Variants in KRT72 observed in about 807,000 individuals in gnomAD.
KRT72 encodes the protein keratin 72, also known as keratin, type II cytoskeletal 72.
In KRT72, 44 loss-of-function variants were observed where a neutral mutation model predicts 44.7. The ratio of observed to expected loss-of-function variants is 0.98; its 90% CI spans 0.77 to 1.27. KRT72 has a LOEUF of 1.27. Among genes scored for constraint, KRT72 ranks in the 50% most tolerant of loss-of-function variants. KRT72 has a pLI of 0.00. For missense variants in KRT72, 736 were observed against 667.1 expected (o/e 1.10, Z -1.14); for synonymous variants, 302 against 280.4 (o/e 1.08, Z -0.77).
rs1381675965 is a variant in KRT72, at chr12:52,586,960, T to G, written c.1331A>C (p.Asn444Thr). The change falls in exon 8 of 9, where the codon AAT becomes ACT. Residue 444 changes from asparagine (N) to threonine (T), a missense_variant. Asn to Thr is a moderately conservative substitution (Grantham distance 65, BLOSUM62 0). Transcript: ENST00000293745. ...EECRMSGEYP[N>T]SVSISVISST... Reference sequence around the variant, plus strand: ...CAGATACTTACAGATGCTCACAGAATTTGGATATTCGCCAGACATCCTGAA... The same window carrying G: ...CAGATACTTACAGATGCTCACAGAAGTTGGATATTCGCCAGACATCCTGAA... 2 of 1,614,028 alleles carry G rather than the reference T, an allele frequency of 1.2e-6. No individual in the cohort carries two copies. Among genetic ancestry groups the G allele is most frequent in the South Asian group, 2.2e-5 (2 of 91,062 alleles).
intron 2 of KRT72, among the ~76,000 whole-genome samples, chr12:52,596,081 T>C (rs201935583): frequency 6.6e-6 from 1 of 152,038 alleles, no homozygotes; most frequent in East Asian, 1.9e-4. Context: ...AAAACAAATA[T>C]CCCTGCCCTT....
intron 1 of KRT72, 144 bp from the exon 2 acceptor site, chr12:52,599,256 G>T (rs892379971): frequency 1.3e-6 from 1 of 745,690 alleles, no homozygotes; most frequent in South Asian, 1.5e-5. Flanking sequence ...GGATTCAGCC[G>T]AGGGACATGC....
At chr12:52,587,020 T>C (rs779856511) in intron 7 of KRT72, 40 bp from the exon 8 acceptor site, 2 of 1,598,364 alleles carry the variant, frequency 1.3e-6, no homozygotes, top group South Asian at 2.2e-5. Context: ...CCCCCATAAA[T>C]AATCACCCCA....
rs531985842 is a variant in KRT72, at chr12:52,595,018, T to A, written c.642-2066A>T. Among the ~76,000 whole-genome samples the A allele has an allele frequency of 4.0e-3, 604 of 152,332 alleles. 5 individuals carry two copies. The highest frequency in any genetic ancestry group is 0.014 in the African/African-American group (568 of 41,582). The stretch of plus-strand genomic sequence containing the variant: ...TATTATCTTACAAAAAGATTAATAA[T>A]GTCTACCCCCTCTTAATAAAAATAA... On this transcript the variant is annotated intron_variant, in intron 2 of 8. Coordinates refer to ENST00000293745, the MANE Select transcript of KRT72 (RefSeq NM_080747.3).
chr12:52,592,410 A>G lies in KRT72; in HGVS notation c.784T>C (p.Cys262Arg), dbSNP rs199651611. ...CAAGTCCTTACCCCTTCATAAAGGC[A>G]CTTGAAGAATTTAATCTCATCTGTC... Reference protein sequence around the residue: ...SLTDEIKFFKCLYEGEITQIQ... With the variant: ...SLTDEIKFFKRLYEGEITQIQ... Residue 262 changes from cysteine to arginine, a missense_variant, in exon 4 of 9, where the codon TGC (cysteine) becomes CGC (arginine). Coordinates refer to ENST00000293745, the MANE Select transcript of KRT72 (RefSeq NM_080747.3). 8.7e-5 allele frequency: 141 copies of G among 1,611,538 alleles called. No individual in the cohort carries two copies. The highest frequency in any genetic ancestry group is 1.6e-4 in the Middle Eastern group (1 of 6,076).
chr12:52,587,552 G>C (rs555652706), intron 7 of KRT72, 79 bp downstream of exon 7: 4 of 1,483,216 alleles, frequency 2.7e-6, no homozygotes, highest in Non-Finnish European at 3.8e-6. Flanking sequence ...ACCTAAACAG[G>C]ACCAAACTGT....
In KRT72 at chr12:52,591,594, G is replaced by C; in HGVS notation, c.833C>G (p.Thr278Arg). 1 of 1,613,694 alleles carries C rather than the reference G, an allele frequency of 6.2e-7. No individual in the cohort carries two copies. Among genetic ancestry groups the C allele is most frequent in the Non-Finnish European group, 8.5e-7 (1 of 1,179,626 alleles). ...GTTGTCCATTGACAGGACGATGGAC[G>C]TGTCGCTGATGTGGGACTGGATCTG... ...ITQIQSHISD[T>R]SIVLSMDNNR... The change falls in exon 5 of 9, where the codon ACG becomes AGG. Residue 278 changes from threonine (T) to arginine (R), a missense_variant. Physicochemically the swap from Thr to Arg is moderately conservative, Grantham distance 71. Transcript: ENST00000293745.
At chr12:52,592,189 G>T (rs1274880529) in intron 4 of KRT72, among the ~76,000 whole-genome samples, 3 of 152,140 alleles carry the variant, frequency 2.0e-5, no homozygotes, top group Non-Finnish European at 4.4e-5. Context: ...TGAACTCCTG[G>T]AGGGCAAGAA....
Position 52,587,686 on chromosome 12 carries a change from C to A in KRT72, c.1255G>T (p.Ala419Ser), listed in dbSNP as rs774725571. 2.5e-6 allele frequency: 4 copies of A among 1,614,090 alleles called. No individual in the cohort carries two copies. The African/African-American group carries it at 5.3e-5, about 22-fold the overall frequency. ...EYQELVSLKL[A>S]LDMEIATYRK... Reference sequence around the variant, plus strand: ...TAGGTGGCGATCTCCATATCCAGGGCCAGCTTCAGGCTCACGAGCTCCTGG... The same window carrying A: ...TAGGTGGCGATCTCCATATCCAGGGACAGCTTCAGGCTCACGAGCTCCTGG... Residue 419 changes from alanine (A) to serine (S), a missense_variant, in exon 7 of 9, where the codon GCC becomes TCC. Coordinates refer to ENST00000293745, the MANE Select transcript of KRT72 (RefSeq NM_080747.3).
intron 7 of KRT72, among the ~76,000 whole-genome samples, 192 bp downstream of exon 7, chr12:52,587,439 A>G (rs956745770): frequency 2.0e-5 from 3 of 152,004 alleles, no homozygotes; most frequent in African/African-American, 7.2e-5. Context: ...CTCCTCTCCC[A>G]CAGCCTTTGG....
At chr12:52,593,069 C>T (rs181310605) in intron 2 of KRT72, 117 bp from the exon 3 acceptor site, 2 of 801,014 alleles carry the variant, frequency 2.5e-6, no homozygotes, top group African/African-American at 3.5e-5. Flanking sequence ...ATTCCCATAC[C>T]CCTGGGGCAC....
At chr12:52,600,989 C>G in intron 1 of KRT72, 38 bp downstream of exon 1, 1 of 1,602,172 alleles carries the variant, frequency 6.2e-7, no homozygotes, top group Non-Finnish European at 8.5e-7. Context: ...TGTGCACATG[C>G]GCCCAACGCA....
intron 1 of KRT72, among the ~76,000 whole-genome samples, chr12:52,599,922 T>TC (rs1940357248): frequency 2.1e-5 from 1 of 47,754 alleles, no homozygotes; most frequent in Non-Finnish European, 3.7e-5. Flanking sequence ...TGGGTTGTGA[T>TC]TGTAAATGAG....
At position 52,587,618 on chromosome 12, in the gene KRT72, T is replaced by C. The variant is rs1939822267; in HGVS notation, c.1310+13A>G. 11 of 1,613,862 alleles carry C rather than the reference T, an allele frequency of 6.8e-6. No homozygotes were observed. In the East Asian group the frequency reaches 2.2e-4, roughly 33 times the overall value. ...GAAAACTGGTCCCGACACAAGGGTA[T>C]CCGGCCCCTCACCTGCACTCCTCGC... On this transcript the variant is annotated intron_variant, in intron 7 of 8. Coordinates refer to ENST00000293745, the MANE Select transcript of KRT72 (RefSeq NM_080747.3).
chr12:52,587,029 C>T (rs1210534436), intron 7 of KRT72, 49 bp from the exon 8 acceptor site: 1 of 1,574,088 alleles, frequency 6.4e-7, no homozygotes, highest in East Asian at 2.2e-5. Flanking sequence ...ATAATCACCC[C>T]AACCACCTGG....
chr12:52,592,986 C>G, intron 2 of KRT72, 34 bp from the exon 3 acceptor site: 1 of 1,594,894 alleles, frequency 6.3e-7, no homozygotes, highest in Non-Finnish European at 8.6e-7. Flanking sequence ...TAATTCAGTT[C>G]TGCAAACACT....
chr12:52,601,282 G>C lies in KRT72; in HGVS notation c.171C>G (p.Ser57Arg). 1 of 1,551,140 alleles carries C rather than the reference G, an allele frequency of 6.4e-7. No individual in the cohort carries two copies. The highest frequency in any genetic ancestry group is 8.7e-7 in the Non-Finnish European group (1 of 1,148,792). Residue 57 changes from serine (S) to arginine (R), a missense_variant, in exon 1 of 9, where the codon AGC becomes AGG. Coordinates refer to ENST00000293745, the MANE Select transcript of KRT72 (RefSeq NM_080747.3). ...GCCGTGCAGCAGCGCTGAGCGCCAG[G>C]CTTCGGCTGCCCCCAAGGCAGGAGA... is the stretch of plus-strand genomic sequence containing the variant. ...KSLSCLGGSR[S>R]LALSAAARRG... is the part of the protein sequence containing the mutation.
Position 52,587,642 on chromosome 12 carries a change from G to C in KRT72, c.1299C>G (p.Ser433Arg), listed in dbSNP as rs755607003. ...ATCCGGCCCCTCACCTGCACTCCTC[G>C]CTCTCCAGCAGCTTGCGGTAGGTGG... ...EIATYRKLLE[S>R]EECRMSGEYP... The change falls in exon 7 of 9, where the codon AGC becomes AGG. Residue 433 changes from serine to arginine, a missense_variant. Coordinates refer to ENST00000293745, the MANE Select transcript of KRT72 (RefSeq NM_080747.3). 6.2e-7 allele frequency: 1 copy of C among 1,614,100 alleles called. No homozygotes were observed. Among genetic ancestry groups the C allele is most frequent in the Admixed American group, 1.7e-5 (1 of 60,016 alleles).
At chr12:52,595,928 T>C (rs776512345) in intron 2 of KRT72, among the ~76,000 whole-genome samples, 36 of 138,340 alleles carry the variant, frequency 2.6e-4, no homozygotes, top group Non-Finnish European at 4.9e-4. Flanking sequence ...TAATTTTTGC[T>C]TTCAAAAAAA....
Sources: allele counts gnomAD v4.1 joint callset (sites outside exome capture counted in the v4.1 genomes callset), GRCh38; gene constraint gnomAD v4.1.1; transcripts MANE v1.5; gene names NCBI Gene and HGNC (gene_info 2026-07-23, HGNC 2026-07-21).